AHCTF1: variants seen among roughly 807,000 people sequenced by gnomAD.
AHCTF1 encodes the protein protein ELYS.
In AHCTF1, 24 loss-of-function variants were observed where a neutral mutation model predicts 248.4. That is an observed-to-expected ratio of 0.10 (90% CI 0.07 to 0.14). AHCTF1 has a LOEUF of 0.14. Among genes scored for constraint, AHCTF1 ranks in the 10% least tolerant of loss-of-function variants. AHCTF1 has a pLI of 1.00. For missense variants in AHCTF1, 2,206 were observed against 2,636.2 expected (o/e 0.84, Z 3.57); for synonymous variants, 786 against 929.8 (o/e 0.85, Z 2.81).
In AHCTF1 at chr1:246,922,705, G is replaced by A. The variant is rs753499425; in HGVS notation, c.-7-4328C>T. 5.0e-4 allele frequency among the ~76,000 whole-genome samples: 75 copies of A among 151,404 alleles called. 1 individual carries two copies. Among genetic ancestry groups the A allele is most frequent in the Non-Finnish European group, 7.5e-4 (51 of 67,842 alleles). ...CACCTATCAATAGTATCAATAGGCT[G>A]GGCGCAGTGGCTCACGCCTGTAATC... On this transcript the variant is annotated intron_variant, in intron 1 of 35. Coordinates refer to ENST00000648844, the MANE Select transcript of AHCTF1 (RefSeq NM_001323342.2).
At position 246,843,983 on chromosome 1, in the gene AHCTF1, T is replaced by C. The variant is rs1274235050; in HGVS notation, c.6392-55A>G. On this transcript the variant is annotated intron_variant, in intron 33 of 35. Coordinates refer to ENST00000648844, the MANE Select transcript of AHCTF1 (RefSeq NM_001323342.2). Reference sequence around the variant, plus strand: ...ATCTTTATATATGTGTGTATATATATAAACACAATAAAAACCTGGAACAAA... The same window carrying C: ...ATCTTTATATATGTGTGTATATATACAAACACAATAAAAACCTGGAACAAA... 9 of 1,176,064 alleles carry C rather than the reference T, an allele frequency of 7.7e-6. No individual in the cohort carries two copies. The Admixed American group carries it at 1.2e-4, about 16-fold the overall frequency. The allele number at this position is 1,176,064 out of a possible 1,614,324, so 72.9% of individuals were successfully genotyped here. A position where few individuals can be genotyped will look rare whatever the true frequency, so the allele number is the denominator to read the frequency against.
chr1:246,900,590 C>A, intron 8 of AHCTF1, 121 bp from the exon 9 acceptor site: 4 of 1,016,728 alleles, frequency 3.9e-6, no homozygotes, highest in Non-Finnish European at 5.6e-6. Flanking sequence ...TCACTTGATT[C>A]ATCAAAACGC....
chr1:246,931,170 G>A, intron 1 of AHCTF1: 3 of 1,550,384 alleles, frequency 1.9e-6, no homozygotes, highest in Non-Finnish European at 2.6e-6. Flanking sequence ...CGCCAACACA[G>A]GACAGGCTCA....
At chr1:246,928,310 A>T (rs1159347183) in intron 1 of AHCTF1, among the ~76,000 whole-genome samples, 1 of 151,946 alleles carries the variant, frequency 6.6e-6, no homozygotes, top group Non-Finnish European at 1.5e-5. Context: ...CTCAAAAAAA[A>T]AAAAAAAAAA....
In AHCTF1 at chr1:246,864,010, G is replaced by A; in HGVS notation, c.3454C>T (p.Pro1152Ser). ...GATCCTTTTAATTGCGAACTTGAGG[G>A]CAGTGAACGGGATACTAGGTACAAA... Reference protein sequence around the residue: ...SPLYLVSRSLPSSSQLKGSPQ... With the variant: ...SPLYLVSRSLSSSSQLKGSPQ... Residue 1152 changes from proline (P) to serine (S), a missense_variant, in exon 27 of 36, where the codon CCC becomes TCC. Coordinates refer to ENST00000648844, the MANE Select transcript of AHCTF1 (RefSeq NM_001323342.2). 5.6e-6 allele frequency: 9 copies of A among 1,614,126 alleles called. No homozygotes were observed. Among genetic ancestry groups the A allele is most frequent in the Non-Finnish European group, 7.6e-6 (9 of 1,180,012 alleles).
chr1:246,908,767 C>T (rs925859487), intron 4 of AHCTF1, among the ~76,000 whole-genome samples: 127 of 149,926 alleles, frequency 8.5e-4, no homozygotes, highest in African/African-American at 3.0e-3. Flanking sequence ...TGGCGGCGTG[C>T]GCCTGTAGTC....
At chr1:246,889,939 G>T in intron 17 of AHCTF1, 27 bp downstream of exon 17, 1 of 1,549,236 alleles carries the variant, frequency 6.5e-7, no homozygotes, top group Non-Finnish European at 8.9e-7. Flanking sequence ...TCTTACAGAT[G>T]TAATTTCTAA....
intron 4 of AHCTF1, among the ~76,000 whole-genome samples, chr1:246,908,625 C>T (rs933763397): frequency 1.3e-5 from 2 of 151,474 alleles, no homozygotes; most frequent in African/African-American, 2.4e-5. Flanking sequence ...CGGTGGCTCA[C>T]GCCTGTAATC....
rs779749038 is a variant in AHCTF1 at position 246,849,891 on chromosome 1, A to G, written c.6115T>C (p.Ser2039Pro). The part of the protein sequence containing the change: ...KSILVPNEEL[S>P]MVMSSKKKLT... ...TTTTTCTTAGAGCTCATCACCATCG[A>G]AAGTTCCTCGTTTGGCACTAAAATG... is the stretch of plus-strand genomic sequence containing the variant. Residue 2039 changes from serine (S) to proline (P), a missense_variant, in exon 33 of 36, where the codon TCG becomes CCG. Ser to Pro is a moderately conservative substitution (Grantham distance 74). Coordinates refer to ENST00000648844, the MANE Select transcript of AHCTF1 (RefSeq NM_001323342.2). 2 of 1,613,922 alleles carry G rather than the reference A, an allele frequency of 1.2e-6. No homozygotes were observed. Among genetic ancestry groups the G allele is most frequent in the East Asian group, 4.5e-5 (2 of 44,882 alleles).
At chr1:246,871,127 C>T (rs1001604878) in intron 24 of AHCTF1, among the ~76,000 whole-genome samples, 1 of 152,164 alleles carries the variant, frequency 6.6e-6, no homozygotes, top group South Asian at 2.1e-4. Flanking sequence ...AAGGTGGTGG[C>T]TCATTTTTTT....
rs1661619732 is a variant in AHCTF1, at chr1:246,862,279, G to C, written c.3541-126C>G. 3 of 568,432 alleles carry C rather than the reference G, an allele frequency of 5.3e-6. No individual in the cohort carries two copies. The South Asian group carries it at 9.7e-5, about 18-fold the overall frequency. The allele number at this position is 568,432 out of a possible 1,614,324, so 35.2% of individuals were successfully genotyped here. A position where few individuals can be genotyped will look rare whatever the true frequency, so the allele number is the denominator to read the frequency against. On this transcript the variant is annotated intron_variant, in intron 27 of 35. Coordinates refer to ENST00000648844, the MANE Select transcript of AHCTF1 (RefSeq NM_001323342.2). ...GCGGATCACCAGGTCAGGAGATCGA[G>C]ACCATCCTGGCTAACACGGTGAAAC...
At chr1:246,873,965 G>C (rs1409892854) in intron 24 of AHCTF1, among the ~76,000 whole-genome samples, 1 of 152,146 alleles carries the variant, frequency 6.6e-6, no homozygotes, top group African/African-American at 2.4e-5. Context: ...TTACTACGCT[G>C]ACATAAGATC....
chr1:246,888,308 A>C, intron 18 of AHCTF1, 75 bp from the exon 19 acceptor site: 2 of 1,612,244 alleles, frequency 1.2e-6, no homozygotes, highest in Non-Finnish European at 1.7e-6. Context: ...TGTTTTCCCA[A>C]GTTTGTGCCA....
chr1:246,902,375 A>G, intron 8 of AHCTF1, 150 bp downstream of exon 8: 1 of 900,848 alleles, frequency 1.1e-6, no homozygotes, highest in East Asian at 2.6e-5. Context: ...AGAGCAAGAA[A>G]TATCTAGTAT....
intron 1 of AHCTF1, chr1:246,931,104 C>T: frequency 6.5e-7 from 1 of 1,547,692 alleles, no homozygotes; most frequent in Non-Finnish European, 8.7e-7. Context: ...CCGAGTCCAA[C>T]TTCTTCCCCG....
chr1:246,870,683 T>C (rs1662525190), intron 24 of AHCTF1, among the ~76,000 whole-genome samples: 1 of 149,280 alleles, frequency 6.7e-6, no homozygotes, highest in Non-Finnish European at 1.5e-5. Flanking sequence ...GTATAAATAC[T>C]GTACCCTAAA....
chr1:246,931,473 G>T (rs568054756), intron 1 of AHCTF1, 105 bp downstream of exon 1: 1 of 911,592 alleles, frequency 1.1e-6, no homozygotes, highest in Non-Finnish European at 1.3e-6. Context: ...TCGCGGGGCA[G>T]AAGCCCCGCC....
At chr1:246,841,542 A>G (rs1659865901) in intron 35 of AHCTF1, among the ~76,000 whole-genome samples, 1 of 152,254 alleles carries the variant, frequency 6.6e-6, no homozygotes, top group Non-Finnish European at 1.5e-5. Flanking sequence ...AGCACAGCAT[A>G]AACAAGATAC....
Position 246,839,447 on chromosome 1 carries a change from C to A in AHCTF1, c.*1359G>T, listed in dbSNP as rs1659686428. ...CCATAAATGACAAGCAGCTTAAATA[C>A]AAGTTTGATAACTATCATTAAAAAA... On this transcript the variant is annotated 3_prime_UTR_variant, in exon 36 of 36. Transcript: ENST00000648844. 1 of 692,044 alleles carries A rather than the reference C, an allele frequency of 1.4e-6. No homozygotes were observed. Among genetic ancestry groups the A allele is most frequent in the Admixed American group, 6.3e-5 (1 of 15,906 alleles). The allele number at this position is 692,044 out of a possible 1,614,324, so 42.9% of individuals were successfully genotyped here.
Sources: gnomAD v4.1 joint callset for allele counts (sites outside exome capture counted in the v4.1 genomes callset) on GRCh38, gnomAD v4.1.1 for gene constraint, MANE v1.5 for transcripts, NCBI Gene and HGNC (gene_info 2026-07-23, HGNC 2026-07-21) for gene names.